BMPR1A: variants seen among roughly 807,000 people sequenced by gnomAD.
The protein encoded by BMPR1A is bone morphogenetic protein receptor type 1A.
In BMPR1A, 7 loss-of-function variants were observed where a neutral mutation model predicts 66.0. The ratio of observed to expected loss-of-function variants is 0.11; its 90% CI spans 0.06 to 0.20. The LOEUF (loss-of-function observed/expected upper bound fraction) is 0.20. Ranked by LOEUF, BMPR1A falls within the 10% of genes least tolerant of loss-of-function variation. The pLI is 1.00. For missense variants in BMPR1A, 408 were observed against 669.1 expected, an observed-to-expected ratio of 0.61 and a Z score of 4.31; for synonymous variants, 200 against 229.7, an observed-to-expected ratio of 0.87 and a Z score of 1.17.
intron 3 of BMPR1A, among the ~76,000 whole-genome samples, chr10:86,876,826 A>G (rs1842926704): frequency 6.6e-6 from 1 of 152,188 alleles, no homozygotes; most frequent in Admixed American, 6.5e-5. Flanking sequence ...TAGAAAGATA[A>G]CTGACACTTG....
chr10:86,841,377 AC>A (rs1842422301), intron 2 of BMPR1A, among the ~76,000 whole-genome samples: 2 of 152,222 alleles, frequency 1.3e-5, no homozygotes, highest in Admixed American at 1.3e-4. Context: ...ATAATTACAT[AC>A]AGCTATAATT....
intron 3 of BMPR1A, among the ~76,000 whole-genome samples, chr10:86,885,569 A>G (rs975131505): frequency 1.3e-5 from 2 of 152,110 alleles, no homozygotes; most frequent in Non-Finnish European, 2.9e-5. Flanking sequence ...GCTAGTGGCT[A>G]CCATATGGGA....
chr10:86,883,059 C>T (rs1843013371), intron 3 of BMPR1A, among the ~76,000 whole-genome samples: 3 of 152,124 alleles, frequency 2.0e-5, no homozygotes, highest in Admixed American at 2.0e-4. Context: ...AATGAAACTC[C>T]ATGAACTTGT....
intron 1 of BMPR1A, among the ~76,000 whole-genome samples, chr10:86,832,461 C>T (rs1842283594): frequency 1.4e-5 from 2 of 143,170 alleles, no homozygotes; most frequent in Admixed American, 6.9e-5. Context: ...AGCGAAACTC[C>T]GTCTAAAAAA....
chr10:86,757,678 C>A (rs1232209960), intron 1 of BMPR1A, among the ~76,000 whole-genome samples: 1 of 152,174 alleles, frequency 6.6e-6, no homozygotes, highest in Non-Finnish European at 1.5e-5. Context: ...CTCTTTTAAG[C>A]GGTTAACAAA....
rs760571361 is a variant in BMPR1A at position 86,923,386 on chromosome 10, A to G, written c.1353A>G (p.Glu451=). The G allele has an allele frequency of 6.2e-7, 1 of 1,614,222 alleles. No homozygotes were observed. The highest frequency in any genetic ancestry group is 8.5e-7 in the Non-Finnish European group (1 of 1,180,026). Residue 451 remains glutamate (E), a synonymous_variant, in exon 12 of 13, where the codon GAA becomes GAG. Transcript: ENST00000372037. ...CTCATTCCCTTATAGGGATCGTGGA[A>G]GAATACCAATTGCCATATTACAACA... The part of the protein sequence containing the change: ...ARRCITGGIV[E]EYQLPYYNMV...
At chr10:86,784,577 G>T (rs184999580) in intron 1 of BMPR1A, among the ~76,000 whole-genome samples, 118 of 152,268 alleles carry the variant, frequency 7.7e-4, no homozygotes, top group African/African-American at 2.5e-3. Context: ...AGGAGGTTTG[G>T]TATTAATTTT....
At chr10:86,788,302 G>T (rs1287534789) in intron 1 of BMPR1A, among the ~76,000 whole-genome samples, 1 of 152,194 alleles carries the variant, frequency 6.6e-6, no homozygotes, top group Non-Finnish European at 1.5e-5. Context: ...TGGCTAAGTG[G>T]TGTAGGCAGA....
rs372624442 is a variant in BMPR1A at position 86,817,445 on chromosome 10, A to G, written c.-267-21420A>G. The stretch of plus-strand genomic sequence containing the variant: ...TTTCCCTCCTCCTTAAGGCTGAACA[A>G]TACTCCATTGTATGCATATACCACA... On this transcript the variant is annotated intron_variant, in intron 1 of 12. Coordinates refer to ENST00000372037, the MANE Select transcript of BMPR1A (RefSeq NM_004329.3). Among the ~76,000 whole-genome samples, 6 of 152,362 alleles carry G rather than the reference A, an allele frequency of 3.9e-5. No individual in the cohort carries two copies. The East Asian group carries it at 7.7e-4, about 20-fold the overall frequency.
intron 1 of BMPR1A, among the ~76,000 whole-genome samples, chr10:86,793,119 A>G (rs1030289310): frequency 7.3e-5 from 2 of 27,420 alleles, no homozygotes; most frequent in Non-Finnish European, 1.4e-4. Flanking sequence ...CCGCCACCCC[A>G]CACACACATG....
At chr10:86,883,044 A>G (rs1843013257) in intron 3 of BMPR1A, among the ~76,000 whole-genome samples, 1 of 152,166 alleles carries the variant, frequency 6.6e-6, no homozygotes, top group Admixed American at 6.6e-5. Flanking sequence ...TAGAGAGAAT[A>G]ATATAATGAA....
At chr10:86,883,476 G>A (rs1843020790) in intron 3 of BMPR1A, among the ~76,000 whole-genome samples, 1 of 150,660 alleles carries the variant, frequency 6.6e-6, no homozygotes, top group South Asian at 2.1e-4. Context: ...TGTGAACCCG[G>A]GAGGCGGAGC....
In BMPR1A at chr10:86,866,459, A is replaced by G. The variant is rs185958022; in HGVS notation, c.-152-9408A>G. ...AGTCTCGCACTGTCACCTGAGCTGGAGTGCAGTGGTGTGATCTTGGCTCAC... is the reference window on the plus strand; with the variant it reads ...AGTCTCGCACTGTCACCTGAGCTGGGGTGCAGTGGTGTGATCTTGGCTCAC... On this transcript the variant is annotated intron_variant, in intron 2 of 12. Coordinates refer to ENST00000372037, the MANE Select transcript of BMPR1A (RefSeq NM_004329.3). 1.4e-4 allele frequency among the ~76,000 whole-genome samples: 16 copies of G among 118,032 alleles called. No homozygotes were observed. In the East Asian group the frequency reaches 4.6e-3, roughly 34 times the overall value. The allele number at this position is 118,032 out of a possible 152,430, so 77.4% of individuals were successfully genotyped here.
intron 1 of BMPR1A, among the ~76,000 whole-genome samples, chr10:86,816,112 C>T (rs1367951293): frequency 1.3e-5 from 2 of 152,192 alleles, no homozygotes; most frequent in Non-Finnish European, 2.9e-5. Context: ...GTTACCACAG[C>T]ATCACTTAGA....
chr10:86,915,440 G>A (rs775471727), intron 8 of BMPR1A, among the ~76,000 whole-genome samples: 1 of 151,948 alleles, frequency 6.6e-6, no homozygotes, highest in Non-Finnish European at 1.5e-5. Context: ...TCTCAAAAAG[G>A]GTACATTTTA....
At chr10:86,822,833 T>A (rs1357722326) in intron 1 of BMPR1A, among the ~76,000 whole-genome samples, 1 of 151,970 alleles carries the variant, frequency 6.6e-6, no homozygotes, top group Non-Finnish European at 1.5e-5. Context: ...TTTCACCATG[T>A]TGGCCAGGCT....
intron 1 of BMPR1A, among the ~76,000 whole-genome samples, chr10:86,813,209 C>A (rs564699937): frequency 1.3e-5 from 2 of 152,238 alleles, no homozygotes; most frequent in African/African-American, 4.8e-5. Flanking sequence ...TCGTTTTTGG[C>A]CAAGGGCAGC....
intron 5 of BMPR1A, among the ~76,000 whole-genome samples, chr10:86,894,850 G>A (rs991233751): frequency 1.3e-5 from 2 of 152,212 alleles, no homozygotes; most frequent in Non-Finnish European, 2.9e-5. Context: ...GGTACACTCA[G>A]ACTGTGTTAT....
intron 3 of BMPR1A, among the ~76,000 whole-genome samples, chr10:86,883,549 CAAAAAAA>C (rs71019436): frequency 4.4e-5 from 2 of 45,410 alleles, no homozygotes; most frequent in East Asian, 8.4e-4. Context: ...GACTCCGTCT[CAAAAAAA>C]AAAAAAAAAA....
Sources: allele counts gnomAD v4.1 joint callset (sites outside exome capture counted in the v4.1 genomes callset), GRCh38; gene constraint gnomAD v4.1.1; transcripts MANE v1.5; gene names NCBI Gene and HGNC (gene_info 2026-07-23, HGNC 2026-07-21).